The following CD226 variants were observed in gnomAD, a reference collection of about 807,000 sequenced individuals.
The protein encoded by CD226 is CD226 antigen.
CD226 carries 24 observed loss-of-function variants against 34.9 expected under a neutral mutation model. That is an observed-to-expected ratio of 0.69 (90% CI 0.50 to 0.97). The LOEUF is 0.97. Ranked by LOEUF, CD226 falls within the 50% of genes least tolerant of loss-of-function variation. CD226 has a pLI of 0.00. For missense variants in CD226, 397 were observed against 412.7 expected, an observed-to-expected ratio of 0.96 and a Z score of 0.33; for synonymous variants, 148 against 147.4, an observed-to-expected ratio of 1.00 and a Z score of -0.03.
chr18:69,938,340 A>G (rs2145349407), intron 2 of CD226, among the ~76,000 whole-genome samples: 1 of 152,276 alleles, frequency 6.6e-6, no homozygotes, highest in South Asian at 2.1e-4. Flanking sequence ...ATTCTTTAAC[A>G]TGAACACCTT....
intron 3 of CD226, among the ~76,000 whole-genome samples, chr18:69,878,686 C>T (rs528941521): frequency 6.6e-6 from 1 of 152,314 alleles, no homozygotes; most frequent in Admixed American, 6.5e-5. Context: ...GAGACCACCT[C>T]ACACCTTTTT....
rs58932682 is a variant in CD226, at chr18:69,859,997, G to T, written c.*4317C>A. On this transcript the variant is annotated 3_prime_UTR_variant, in exon 6 of 6. Coordinates refer to ENST00000582621, the MANE Select transcript of CD226 (RefSeq NM_001303618.2). The stretch of plus-strand genomic sequence containing the variant: ...TGAGGCAGGAGAATCACTTGAATCC[G>T]GGAGGCAGAGGTTGTGGTGAGCCGA... 0.26 allele frequency: 40,265 copies of T among 152,134 alleles called. 6,357 individuals are homozygous for T. Among genetic ancestry groups the T allele is most frequent in the African/African-American group, 0.44 (18,084 of 41,454 alleles). 9.4% of individuals were successfully genotyped at this position (152,134 alleles called of 1,614,324 possible). A position where few individuals can be genotyped will look rare whatever the true frequency, so the allele number is the denominator to read the frequency against.
At chr18:69,938,093 A>G (rs761044299) in intron 2 of CD226, among the ~76,000 whole-genome samples, 3 of 152,222 alleles carry the variant, frequency 2.0e-5, no homozygotes, top group African/African-American at 4.8e-5. Context: ...CTTAAAGGGA[A>G]ACAGTGAGGA....
At chr18:69,916,841 T>C (rs1413484772) in intron 2 of CD226, among the ~76,000 whole-genome samples, 2 of 152,236 alleles carry the variant, frequency 1.3e-5, no homozygotes, top group Non-Finnish European at 2.9e-5. Flanking sequence ...TATAACTTTC[T>C]GCATACGAAT....
intron 3 of CD226, among the ~76,000 whole-genome samples, chr18:69,881,550 A>C (rs1790969): frequency 1.3e-5 from 2 of 152,118 alleles, no homozygotes; most frequent in African/African-American, 4.8e-5. Flanking sequence ...AAGCATGCAG[A>C]GGTGGTTTCA....
intron 5 of CD226, among the ~76,000 whole-genome samples, chr18:69,864,695 T>C (rs1211505292): frequency 6.6e-6 from 1 of 152,206 alleles, no homozygotes; most frequent in Non-Finnish European, 1.5e-5. Flanking sequence ...TAGAACTCCC[T>C]CTCCCAATGT....
rs757523694 is a variant in CD226 at position 69,896,007 on chromosome 18, C to A, written c.421G>T (p.Val141Phe). ...GTGACATTCTTTCCAGGTTCCGAAA[C>A]AATGTGGCTATTTGATGGCACAGCT... ...EAAVPSNSHI[V>F]SEPGKNVTLT... The change falls in exon 3 of 6, where the codon GTT (valine) becomes TTT (phenylalanine). Residue 141 changes from valine to phenylalanine, a missense_variant. Transcript: ENST00000582621. The A allele has an allele frequency of 6.2e-6, 10 of 1,612,708 alleles. No homozygotes were observed. The South Asian group carries it at 1.1e-4, about 18-fold the overall frequency.
rs943611006 is a variant in CD226, at chr18:69,859,327, A to C, written c.*4987T>G. ...GGTCAATTTATGGTAAATACAGAAA[A>C]AGTCAGTCCCCAGAATGACAATTAT... On this transcript the variant is annotated 3_prime_UTR_variant, in exon 6 of 6. Transcript: ENST00000582621. 27 of 152,158 alleles carry C rather than the reference A, an allele frequency of 1.8e-4. No homozygotes were observed. The highest frequency in any genetic ancestry group is 6.3e-4 in the African/African-American group (26 of 41,444). 9.4% of individuals were successfully genotyped at this position (152,158 alleles called of 1,614,324 possible).
At chr18:69,927,635 G>T (rs1251572194) in intron 2 of CD226, among the ~76,000 whole-genome samples, 1 of 151,982 alleles carries the variant, frequency 6.6e-6, no homozygotes, top group Non-Finnish European at 1.5e-5. Flanking sequence ...CAAAGTATTT[G>T]TTGTCTTGTG....
Position 69,863,735 on chromosome 18 carries a change from C to T in CD226, c.*579G>A, listed in dbSNP as rs1982955098. 6.6e-6 allele frequency: 1 copy of T among 152,346 alleles called. No individual in the cohort carries two copies. The highest frequency in any genetic ancestry group is 2.4e-5 in the African/African-American group (1 of 41,444). 9.4% of individuals were successfully genotyped at this position (152,346 alleles called of 1,614,324 possible). A position where few individuals can be genotyped will look rare whatever the true frequency, so the allele number is the denominator to read the frequency against. On this transcript the variant is annotated 3_prime_UTR_variant, in exon 6 of 6. Coordinates refer to ENST00000582621, the MANE Select transcript of CD226 (RefSeq NM_001303618.2). ...AATTGCCCAGTATTGTGCTTTGACCCTGCTTCTCAGCTCTAGAAGTGAACC... is the reference window on the plus strand; with the variant it reads ...AATTGCCCAGTATTGTGCTTTGACCTTGCTTCTCAGCTCTAGAAGTGAACC...
chr18:69,931,919 A>C (rs2055594237), intron 2 of CD226, among the ~76,000 whole-genome samples: 1 of 152,084 alleles, frequency 6.6e-6, no homozygotes. Context: ...ATTTTATCGC[A>C]ATTCTGCAGG....
intron 2 of CD226, among the ~76,000 whole-genome samples, chr18:69,919,145 G>A (rs372813683): frequency 5.3e-5 from 8 of 152,310 alleles, no homozygotes; most frequent in East Asian, 1.9e-4. Flanking sequence ...GAAAATGTTC[G>A]GACAGTTGAG....
upstream of CD226, among the ~76,000 whole-genome samples, chr18:69,949,766 A>C (rs652664): frequency 0.031 from 4,664 of 148,356 alleles, 210 homozygotes; most frequent in African/African-American, 0.11. Flanking sequence ...ACATGCACCC[A>C]CACACACATG....
chr18:69,897,288 TA>T (rs1985355682), intron 2 of CD226, among the ~76,000 whole-genome samples: 1 of 152,166 alleles, frequency 6.6e-6, no homozygotes, highest in Non-Finnish European at 1.5e-5. Flanking sequence ...TAAAATAGCA[TA>T]AAGGGGTCTT....
chr18:69,885,830 G>A (rs1013832779), intron 3 of CD226, among the ~76,000 whole-genome samples: 8 of 152,038 alleles, frequency 5.3e-5, no homozygotes, highest in African/African-American at 1.9e-4. Flanking sequence ...GCCCCTAGAA[G>A]GAAGACAGGA....
At chr18:69,891,152 T>C (rs190455673) in intron 3 of CD226, among the ~76,000 whole-genome samples, 1 of 152,256 alleles carries the variant, frequency 6.6e-6, no homozygotes, top group East Asian at 1.9e-4. Context: ...GATTTATCCC[T>C]GGCATGCAAA....
Position 69,928,060 on chromosome 18 carries a change from A to G in CD226, c.382+18674T>C, listed in dbSNP as rs139081377. Reference sequence around the variant, plus strand: ...TATGAAATATGCAGAAAAGCGGTAGATAAGTTTCAAACCATTTAGAAAGAC... The same window carrying G: ...TATGAAATATGCAGAAAAGCGGTAGGTAAGTTTCAAACCATTTAGAAAGAC... On this transcript the variant is annotated intron_variant, in intron 2 of 5. Transcript: ENST00000582621. Among the ~76,000 whole-genome samples, 213 of 152,372 alleles carry G rather than the reference A, an allele frequency of 1.4e-3. 2 individuals carry two copies. Among genetic ancestry groups the G allele is most frequent in the African/African-American group, 4.2e-3 (174 of 41,586 alleles).
At chr18:69,936,230 T>C (rs997801140) in intron 2 of CD226, among the ~76,000 whole-genome samples, 1 of 9,664 alleles carries the variant, frequency 1.0e-4, no homozygotes, top group Non-Finnish European at 0.05. Context: ...AAACTTTCTC[T>C]TTTTTTTTGA....
rs976870697 is a variant in CD226, at chr18:69,863,630, T to C, written c.*684A>G. On this transcript the variant is annotated 3_prime_UTR_variant, in exon 6 of 6. Transcript: ENST00000582621. ...TCACTTTTTAGTTAACAAAAATGTC[T>C]TGGTTAATCACTGCAGTCAATATTT... 1.3e-5 allele frequency: 2 copies of C among 152,228 alleles called. No homozygotes were observed. The highest frequency in any genetic ancestry group is 2.4e-5 in the African/African-American group (1 of 41,450). 9.4% of individuals were successfully genotyped at this position (152,228 alleles called of 1,614,324 possible).
Sources: gnomAD v4.1 joint callset for allele counts (sites outside exome capture counted in the v4.1 genomes callset) on GRCh38, gnomAD v4.1.1 for gene constraint, MANE v1.5 for transcripts, NCBI Gene and HGNC (gene_info 2026-07-23, HGNC 2026-07-21) for gene names.